C5: variants seen among roughly 807,000 people sequenced by gnomAD.
C5 encodes complement C5.
A neutral mutation model predicts 218.8 loss-of-function variants in C5; 140 were observed. That is an observed-to-expected ratio of 0.64 (90% CI 0.56 to 0.74). C5 has a LOEUF of 0.74. Among genes scored for constraint, C5 ranks in the 30% least tolerant of loss-of-function variants. C5 has a pLI of 0.00. For missense variants in C5, 1,700 were observed against 1,969.6 expected (o/e 0.86, Z 2.59); for synonymous variants, 614 against 682.3 (o/e 0.90, Z 1.56).
intron 20 of C5, among the ~76,000 whole-genome samples, chr9:120,998,437 A>G (rs958698713): frequency 5.9e-5 from 9 of 152,222 alleles, no homozygotes; most frequent in Non-Finnish European, 1.2e-4. Flanking sequence ...AGGCTCAGGT[A>G]CTTTTTCATT....
At chr9:121,005,869 G>A (rs1328683073) in intron 20 of C5, 50 bp downstream of exon 20, 1 of 1,593,478 alleles carries the variant, frequency 6.3e-7, no homozygotes, top group Non-Finnish European at 8.6e-7. Context: ...AGAATTCTCA[G>A]AAAACCAGAG....
chr9:121,030,079 G>T (rs987289792), intron 7 of C5, among the ~76,000 whole-genome samples: 1 of 152,182 alleles, frequency 6.6e-6, no homozygotes, highest in South Asian at 2.1e-4. Context: ...ATTAAAAAAA[G>T]ATAGGAAGTG....
At chr9:121,053,249 A>T (rs528884364), upstream of C5, among the ~76,000 whole-genome samples, 1 of 152,348 alleles carries the variant, frequency 6.6e-6, no homozygotes, top group African/African-American at 2.4e-5. Context: ...CAGGTGGGTT[A>T]TTCTAAGTAA....
intron 20 of C5, among the ~76,000 whole-genome samples, chr9:121,002,422 T>C (rs2047180730): frequency 6.7e-6 from 1 of 150,128 alleles, no homozygotes; most frequent in South Asian, 2.1e-4. Context: ...AATCCTACAG[T>C]TGAGCAGAGT....
chr9:120,978,988 G>C (rs2046972316), intron 28 of C5, among the ~76,000 whole-genome samples: 1 of 152,194 alleles, frequency 6.6e-6, no homozygotes. Flanking sequence ...GCACAGGCTA[G>C]ATTTCAGCCT....
chr9:121,007,714 A>T (rs947412761), intron 18 of C5, among the ~76,000 whole-genome samples: 43 of 152,238 alleles, frequency 2.8e-4, no homozygotes, highest in Non-Finnish European at 5.6e-4. Flanking sequence ...TGATACACAC[A>T]ACAGGGTTAA....
At chr9:121,001,337 T>C (rs1398261753) in intron 20 of C5, among the ~76,000 whole-genome samples, 2 of 152,030 alleles carry the variant, frequency 1.3e-5, no homozygotes, top group African/African-American at 4.8e-5. Context: ...GAAAGGATAT[T>C]AAAGTAGTAT....
chr9:121,017,885 A>C (rs1209304179), intron 12 of C5, 33 bp from the exon 13 acceptor site: 3 of 1,350,922 alleles, frequency 2.2e-6, no homozygotes, highest in South Asian at 2.3e-5. Context: ...ACAATAAGTA[A>C]AAAATAAACA....
In C5 at chr9:120,962,730, A is replaced by G. The variant is rs1280739006; in HGVS notation, c.4445T>C (p.Leu1482Pro). Reference sequence around the variant, plus strand: ...AGGACTGAGAAACCCAACTTCAAAGAGTTCAAATATCCGGAATCGTACACA... The same window carrying G: ...AGGACTGAGAAACCCAACTTCAAAGGGTTCAAATATCCGGAATCGTACACA... ...FLCVRFRIFE[L>P]FEVGFLSPAT... The change falls in exon 36 of 41, where the codon CTC becomes CCC. Residue 1482 changes from leucine (L) to proline (P), a missense_variant. Coordinates refer to ENST00000223642, the MANE Select transcript of C5 (RefSeq NM_001735.3). The G allele has an allele frequency of 1.2e-6, 2 of 1,614,144 alleles. No individual in the cohort carries two copies. Among genetic ancestry groups the G allele is most frequent in the South Asian group, 1.1e-5 (1 of 91,088 alleles).
intron 12 of C5, among the ~76,000 whole-genome samples, chr9:121,018,606 G>GAAGT (rs1432276582): frequency 1.9e-5 from 2 of 107,314 alleles, no homozygotes; most frequent in Non-Finnish European, 3.6e-5. Context: ...AGGAAGGAAG[G>GAAGT]AAGGAAGGAA....
At position 120,991,250 on chromosome 9, in the gene C5, T is replaced by C. The variant is rs759034315; in HGVS notation, c.2882A>G (p.Tyr961Cys). The C allele has an allele frequency of 1.2e-6, 2 of 1,611,132 alleles. No individual in the cohort carries two copies. The highest frequency in any genetic ancestry group is 2.2e-5 in the East Asian group (1 of 44,856). Reference sequence around the variant, plus strand: ...GGGGACCAAATCTAAGGGTATCCTGTATGGGAACTCCTTTCGTCTGCTAAT... The same window carrying C: ...GGGGACCAAATCTAAGGGTATCCTGCATGGGAACTCCTTTCGTCTGCTAAT... Reference protein sequence around the residue: ...GTISRRKEFPYRIPLDLVPKT... With the variant: ...GTISRRKEFPCRIPLDLVPKT... The change falls in exon 23 of 41, where the codon TAC (tyrosine) becomes TGC (cysteine). Residue 961 changes from tyrosine to cysteine, a missense_variant. Tyr to Cys is a radical substitution (Grantham distance 194). Coordinates refer to ENST00000223642, the MANE Select transcript of C5 (RefSeq NM_001735.3).
At chr9:121,029,680 G>A (rs1442076545) in intron 7 of C5, among the ~76,000 whole-genome samples, 1 of 152,220 alleles carries the variant, frequency 6.6e-6, no homozygotes, top group Non-Finnish European at 1.5e-5. Context: ...AAGTGTGGGA[G>A]GGGTCTATTT....
In C5 at chr9:121,017,695, A is replaced by G; in HGVS notation, c.1664T>C (p.Val555Ala). 6.2e-7 allele frequency: 1 copy of G among 1,613,838 alleles called. No individual in the cohort carries two copies. Among genetic ancestry groups the G allele is most frequent in the South Asian group, 1.1e-5 (1 of 91,072 alleles). ...AATATTTAACCAGACTGAATCAGAC[A>G]CTAATTCTGCTGTCTGTTCTCCTGT... ...IVTGEQTAEL[V>A]SDSVWLNIEE... The change falls in exon 13 of 41, where the codon GTG becomes GCG. Residue 555 changes from valine (V) to alanine (A), a missense_variant. Val to Ala is a moderately conservative substitution (Grantham distance 64). Transcript: ENST00000223642.
At chr9:121,049,570 G>A (rs1314382338) in intron 1 of C5, among the ~76,000 whole-genome samples, 1 of 152,106 alleles carries the variant, frequency 6.6e-6, no homozygotes, top group Non-Finnish European at 1.5e-5. Flanking sequence ...GTGACCTTTG[G>A]TCAGTCACTT....
chr9:121,047,363 T>C (rs1022038556), intron 1 of C5, among the ~76,000 whole-genome samples: 1 of 152,238 alleles, frequency 6.6e-6, no homozygotes, highest in African/African-American at 2.4e-5. Context: ...TATACAATAA[T>C]GGAAGTGAGT....
In C5 at chr9:120,989,062, C is replaced by T. The variant is rs2047055561; in HGVS notation, c.3214G>A (p.Gly1072Arg). 6.2e-7 allele frequency: 1 copy of T among 1,612,870 alleles called. No homozygotes were observed. The change falls in exon 25 of 41, where the codon GGA (glycine) becomes AGA (arginine). Residue 1072 changes from glycine (G) to arginine (R), a missense_variant. By Grantham distance (125) the Gly-to-Arg change is moderately radical. Transcript: ENST00000223642. The stretch of plus-strand genomic sequence containing the variant: ...TCTACTTACCAAGTGCTAGCACTTC[C>T]ACCCTTCCACACACTGTAAGAGTAG... Reference protein sequence around the residue: ...ADYSYSVWKGGSASTWLTAFA... With the variant: ...ADYSYSVWKGRSASTWLTAFA...
chr9:121,000,072 A>T (rs959265491), intron 20 of C5: 41 of 285,260 alleles, frequency 1.4e-4, no homozygotes, highest in Non-Finnish European at 2.5e-4. Context: ...AAAAAAAAAA[A>T]TGCTGTCAAG....
intron 39 of C5, among the ~76,000 whole-genome samples, chr9:120,954,403 T>C (rs12004487): frequency 0.2 from 30,263 of 152,164 alleles, 5,305 homozygotes; most frequent in African/African-American, 0.47. Flanking sequence ...TTTGGGATTC[T>C]CAAAGAACTC....
chr9:120,976,996 C>T (rs2046958569), intron 28 of C5, 91 bp from the exon 29 acceptor site: 1 of 1,084,096 alleles, frequency 9.2e-7, no homozygotes. Flanking sequence ...CTTCCAGTTT[C>T]TAGAAGCTAC....
Sources: gnomAD v4.1 joint callset for allele counts (sites outside exome capture counted in the v4.1 genomes callset) on GRCh38, gnomAD v4.1.1 for gene constraint, MANE v1.5 for transcripts, NCBI Gene and HGNC (gene_info 2026-07-23, HGNC 2026-07-21) for gene names.